The following SGCD variants were observed in gnomAD, a reference collection of about 807,000 sequenced individuals.
The protein encoded by SGCD is delta-sarcoglycan.
Under a neutral mutation model 36.6 loss-of-function variants are expected in SGCD, and 18 were observed. The ratio of observed to expected loss-of-function variants is 0.49; its 90% CI spans 0.34 to 0.73. The LOEUF is 0.73. Ranked by LOEUF, SGCD falls within the 30% of genes least tolerant of loss-of-function variation. The pLI, the probability that SGCD is intolerant of heterozygous loss-of-function variation, is 0.01. For missense variants in SGCD, 387 were observed against 346.7 expected (o/e 1.12, Z -0.92); for synonymous variants, 133 against 130.6 (o/e 1.02, Z -0.12).
At chr5:155,749,534 C>T in the SGCD span, among the ~76,000 whole-genome samples, 1 of 152,162 alleles carries the variant, frequency 6.6e-6, no homozygotes, top group African/African-American at 2.4e-5. Flanking sequence ...GAATTTCATT[C>T]AGTGTATTAA....
intron 3 of SGCD, among the ~76,000 whole-genome samples, chr5:156,429,431 A>G (rs1773831036): frequency 6.6e-6 from 1 of 152,032 alleles, no homozygotes; most frequent in Non-Finnish European, 1.5e-5. Flanking sequence ...TCTTGAAGAC[A>G]GCAGATATTT....
intron 1 of SGCD, among the ~76,000 whole-genome samples, chr5:156,043,943 A>C (rs538148400): frequency 1.6e-4 from 24 of 152,262 alleles, no homozygotes; most frequent in African/African-American, 5.3e-4. Context: ...CACTGGAGAA[A>C]ACCGAGAATT....
the SGCD span, among the ~76,000 whole-genome samples, chr5:155,787,308 A>T: frequency 1.3e-5 from 2 of 152,216 alleles, no homozygotes; most frequent in Non-Finnish European, 1.5e-5. Context: ...AATACTGCAC[A>T]TGCCTCCAAT....
At chr5:156,488,611 G>A (rs1330510195) in intron 3 of SGCD, among the ~76,000 whole-genome samples, 11 of 151,978 alleles carry the variant, frequency 7.2e-5, no homozygotes, top group Admixed American at 7.2e-4. Flanking sequence ...AAAAACTGAG[G>A]AAATTCATTA....
the SGCD span, among the ~76,000 whole-genome samples, chr5:155,823,336 G>A: frequency 6.6e-6 from 1 of 151,478 alleles, no homozygotes; most frequent in East Asian, 1.9e-4. Context: ...TCGGGGGGTG[G>A]TGGATTTCTT....
At chr5:155,895,705 G>T (rs1756236804) in intron 1 of SGCD, among the ~76,000 whole-genome samples, 1 of 150,222 alleles carries the variant, frequency 6.7e-6, no homozygotes, top group African/African-American at 2.4e-5. Flanking sequence ...AAAAAAACAT[G>T]AAGAACACAT....
At chr5:155,793,728 T>C in the SGCD span, among the ~76,000 whole-genome samples, 1 of 151,800 alleles carries the variant, frequency 6.6e-6, no homozygotes, top group African/African-American at 2.4e-5. Flanking sequence ...TTTGTATTTT[T>C]AGTAGAGACA....
intron 3 of SGCD, among the ~76,000 whole-genome samples, chr5:156,245,920 A>G (rs1259413227): frequency 6.6e-6 from 1 of 152,138 alleles, no homozygotes. Context: ...TTTCTAAGTT[A>G]AATATTTAGA....
At chr5:156,431,376 G>C (rs1264695114) in intron 3 of SGCD, among the ~76,000 whole-genome samples, 1 of 152,142 alleles carries the variant, frequency 6.6e-6, no homozygotes, top group Non-Finnish European at 1.5e-5. Flanking sequence ...TTCCAGGAAG[G>C]CTGTCTGTAG....
the SGCD span, among the ~76,000 whole-genome samples, chr5:155,791,948 A>G: frequency 1.3e-5 from 2 of 152,152 alleles, no homozygotes; most frequent in African/African-American, 2.4e-5. Context: ...AAAAATAGCC[A>G]AAACAATCCT....
intron 7 of SGCD, among the ~76,000 whole-genome samples, chr5:156,705,018 T>C (rs907569647): frequency 6.6e-6 from 1 of 152,106 alleles, no homozygotes; most frequent in Non-Finnish European, 1.5e-5. Flanking sequence ...TGAGATAGTA[T>C]GGAAGAAGAG....
At chr5:156,067,802 C>A (rs1312892758) in intron 1 of SGCD, among the ~76,000 whole-genome samples, 1 of 138,530 alleles carries the variant, frequency 7.2e-6, no homozygotes, top group Non-Finnish European at 1.5e-5. Context: ...CTTCGGCTCG[C>A]GCACGGTGCG....
At chr5:156,758,008 T>C (rs1223997494) in intron 8 of SGCD, 71 of 1,187,526 alleles carry the variant, frequency 6.0e-5, no homozygotes, top group Non-Finnish European at 7.1e-5. Context: ...TAAGATTTTG[T>C]TAGCCAACAT....
chr5:156,643,094 G>T (rs1290488832), intron 6 of SGCD, among the ~76,000 whole-genome samples: 2 of 146,138 alleles, frequency 1.4e-5, no homozygotes, highest in Non-Finnish European at 3.0e-5. Context: ...GTGCAAAGGT[G>T]TGATCTTGGC....
chr5:156,184,793 G>A (rs903342102), intron 3 of SGCD, among the ~76,000 whole-genome samples: 4 of 152,170 alleles, frequency 2.6e-5, no homozygotes, highest in African/African-American at 9.7e-5. Context: ...GGGCACAGGT[G>A]AAATAGTGAG....
At chr5:156,378,141 G>T (rs1380674562) in intron 3 of SGCD, among the ~76,000 whole-genome samples, 1 of 152,136 alleles carries the variant, frequency 6.6e-6, no homozygotes, top group Non-Finnish European at 1.5e-5. Context: ...ATGTGGTATA[G>T]ACATACAATG....
chr5:156,317,364 G>A (rs1767546045), intron 3 of SGCD, among the ~76,000 whole-genome samples: 1 of 152,114 alleles, frequency 6.6e-6, no homozygotes, highest in Admixed American at 6.5e-5. Context: ...AGAACTCAGG[G>A]ATAAGACAGT....
the SGCD span, among the ~76,000 whole-genome samples, chr5:155,809,781 A>C: frequency 5.3e-5 from 8 of 152,338 alleles, no homozygotes; most frequent in East Asian, 1.5e-3. Flanking sequence ...AACATCAAAT[A>C]CGCCTAAACC....
rs553377003 is a variant in SGCD, at chr5:156,766,696, G to T, written c.*7306G>T. 7 of 151,230 alleles carry T rather than the reference G, an allele frequency of 4.6e-5. No homozygotes were observed. Among genetic ancestry groups the T allele is most frequent in the Non-Finnish European group, 8.8e-5 (6 of 67,896 alleles). 9.4% of individuals were successfully genotyped at this position (151,230 alleles called of 1,614,324 possible). ...AATGCTTTCATCTTCTAAGCAAAGG[G>T]ATCAGGGTTTGATCTGTAAGAGTTA... On this transcript the variant is annotated 3_prime_UTR_variant, in exon 9 of 9. Coordinates refer to ENST00000337851, the MANE Select transcript of SGCD (RefSeq NM_000337.6).
Sources: allele counts gnomAD v4.1 joint callset (sites outside exome capture counted in the v4.1 genomes callset), GRCh38; gene constraint gnomAD v4.1.1; transcripts MANE v1.5; gene names NCBI Gene and HGNC (gene_info 2026-07-23, HGNC 2026-07-21).